CNTNAP5: variants seen among roughly 807,000 people sequenced by gnomAD.
The protein encoded by CNTNAP5 is contactin associated protein family member 5.
A neutral mutation model predicts 150.2 loss-of-function variants in CNTNAP5; 72 were observed. The ratio of observed to expected loss-of-function variants is 0.48; its 90% confidence interval spans 0.40 to 0.58. CNTNAP5 has a LOEUF of 0.58. Among genes scored for constraint, CNTNAP5 ranks in the 20% least tolerant of loss-of-function variants. CNTNAP5 has a pLI of 0.00. For synonymous variants in CNTNAP5, 672 were observed against 619.8 expected (o/e 1.08, Z -1.25); for missense variants, 1,636 against 1,626.2 (o/e 1.01, Z -0.10).
chr2:124,363,728 C>A (rs1450362316), intron 3 of CNTNAP5, among the ~76,000 whole-genome samples: 1 of 152,092 alleles, frequency 6.6e-6, no homozygotes, highest in African/African-American at 2.4e-5. Context: ...ACAAAAGGGG[C>A]AAGAACAAAA....
At chr2:124,531,817 AG>A (rs1440010014) in intron 10 of CNTNAP5, among the ~76,000 whole-genome samples, 1 of 152,172 alleles carries the variant, frequency 6.6e-6, no homozygotes, top group African/African-American at 2.4e-5. Context: ...TCGACCTAAA[AG>A]GAAAAAGCTG....
At position 124,271,792 on chromosome 2, in the gene CNTNAP5, G is replaced by A. The variant is rs139949917; in HGVS notation, c.381+29399G>A. ...TGCATTGGCACGATCTCGGCTCACC[G>A]CAACCTCCACCTCCCAGGTTCAAGT... On this transcript the variant is annotated intron_variant, in intron 3 of 23. Coordinates refer to ENST00000682447, the MANE Select transcript of CNTNAP5 (RefSeq NM_001367498.1). Among the ~76,000 whole-genome samples, 1,368 of 151,950 alleles carry A rather than the reference G, an allele frequency of 9.0e-3. 22 individuals are homozygous for A. Among genetic ancestry groups the A allele is most frequent in the African/African-American group, 0.031 (1,272 of 41,416 alleles).
At chr2:124,233,956 A>G (rs1686685594) in intron 2 of CNTNAP5, among the ~76,000 whole-genome samples, 1 of 152,068 alleles carries the variant, frequency 6.6e-6, no homozygotes, top group African/African-American at 2.4e-5. Context: ...AAATTGCTCC[A>G]AGAATCCAAG....
intron 11 of CNTNAP5, among the ~76,000 whole-genome samples, chr2:124,588,157 T>TCCTTCCTTCCTTCCTTCCTTCC (rs59736295): frequency 1.3e-5 from 1 of 79,242 alleles, no homozygotes; most frequent in Non-Finnish European, 2.4e-5. Flanking sequence ...CTTCCTTCCT[T>TCCTTCCTTCCTTCCTTCCTTCC]TTCCTTCCTT....
chr2:124,816,133 G>A (rs1207769919), intron 19 of CNTNAP5, among the ~76,000 whole-genome samples: 1 of 152,132 alleles, frequency 6.6e-6, no homozygotes, highest in African/African-American at 2.4e-5. Flanking sequence ...TCTTGTATTA[G>A]TTTTCTATTG....
At chr2:124,511,888 C>T (rs975039943) in intron 8 of CNTNAP5, among the ~76,000 whole-genome samples, 5 of 150,364 alleles carry the variant, frequency 3.3e-5, no homozygotes, top group Non-Finnish European at 5.9e-5. Context: ...TCTTCACAAC[C>T]TGTAGAGAAT....
chr2:124,839,806 C>T (rs1682908590), intron 19 of CNTNAP5, among the ~76,000 whole-genome samples: 2 of 152,104 alleles, frequency 1.3e-5, no homozygotes, highest in Admixed American at 1.3e-4. Flanking sequence ...TTTGTCTGAA[C>T]TAGAATGTAC....
At chr2:124,737,063 C>T (rs1466615807) in intron 13 of CNTNAP5, among the ~76,000 whole-genome samples, 1 of 152,018 alleles carries the variant, frequency 6.6e-6, no homozygotes, top group Admixed American at 6.6e-5. Flanking sequence ...GAGGCTGAGG[C>T]AGGTAGATCA....
intron 11 of CNTNAP5, among the ~76,000 whole-genome samples, chr2:124,597,755 A>G (rs973103510): frequency 6.6e-6 from 1 of 151,936 alleles, no homozygotes; most frequent in East Asian, 1.9e-4. Flanking sequence ...ACTTGGTTCC[A>G]TTCTCCGCAT....
At chr2:124,504,244 G>A (rs1247962287) in intron 7 of CNTNAP5, 48 bp from the exon 8 acceptor site, 2 of 1,579,986 alleles carry the variant, frequency 1.3e-6, no homozygotes, top group Non-Finnish European at 1.7e-6. Context: ...CTGTCAGATT[G>A]CGGAATAAAA....
intron 13 of CNTNAP5, among the ~76,000 whole-genome samples, chr2:124,682,521 C>A (rs999230334): frequency 6.6e-6 from 1 of 152,108 alleles, no homozygotes; most frequent in Non-Finnish European, 1.5e-5. Context: ...TGCAAGACTG[C>A]AGGCTTCTGG....
chr2:124,221,587 C>A, intron 1 of CNTNAP5, 118 bp from the exon 2 acceptor site: 1 of 684,212 alleles, frequency 1.5e-6, no homozygotes, highest in South Asian at 1.8e-5. Context: ...AGTACCTGAC[C>A]TTGTTCAGAG....
intron 13 of CNTNAP5, 137 bp downstream of exon 13, chr2:124,648,095 G>A: frequency 1.4e-6 from 1 of 727,034 alleles, no homozygotes. Context: ...CACAACAAGA[G>A]GGGTCTGGTT....
chr2:124,408,018 G>C (rs1253984582), intron 3 of CNTNAP5, among the ~76,000 whole-genome samples: 2 of 152,198 alleles, frequency 1.3e-5, no homozygotes, highest in East Asian at 3.9e-4. Flanking sequence ...GCAGGTCAGT[G>C]GGTGCGCGCA....
At chr2:124,828,936 C>CA (rs1239234036) in intron 19 of CNTNAP5, among the ~76,000 whole-genome samples, 1 of 151,804 alleles carries the variant, frequency 6.6e-6, no homozygotes, top group Non-Finnish European at 1.5e-5. Flanking sequence ...TCAGTAAATG[C>CA]AAAATCACAT....
chr2:124,335,852 A>C (rs1167679631), intron 3 of CNTNAP5, among the ~76,000 whole-genome samples: 2 of 151,994 alleles, frequency 1.3e-5, no homozygotes, highest in African/African-American at 4.8e-5. Context: ...GGGGTGAAAA[A>C]CAAAACAAAA....
chr2:124,646,794 A>T (rs1487256504), intron 12 of CNTNAP5, among the ~76,000 whole-genome samples: 2 of 152,154 alleles, frequency 1.3e-5, no homozygotes, highest in East Asian at 3.9e-4. Flanking sequence ...TTCTTAACTG[A>T]CTATAAAACT....
rs536883767 is a variant in CNTNAP5, at chr2:124,440,093, T to C, written c.733+5406T>C. Among the ~76,000 whole-genome samples, 12 of 152,268 alleles carry C rather than the reference T, an allele frequency of 7.9e-5. No individual in the cohort carries two copies. The East Asian group carries it at 2.1e-3, about 27-fold the overall frequency. On this transcript the variant is annotated intron_variant, in intron 5 of 23. Transcript: ENST00000682447. ...CCTATTCTTTGAGTCCTTAGGTAAA[T>C]CTTGTGGCTTCTTGGAGACTCACCT... is the stretch of plus-strand genomic sequence containing the variant.
intron 19 of CNTNAP5, among the ~76,000 whole-genome samples, chr2:124,802,134 G>A (rs903265335): frequency 6.6e-6 from 1 of 152,100 alleles, no homozygotes; most frequent in Non-Finnish European, 1.5e-5. Flanking sequence ...TGTGCACAAT[G>A]GCTCTAATTT....
Sources: gnomAD v4.1 joint callset for allele counts (sites outside exome capture counted in the v4.1 genomes callset) on GRCh38, gnomAD v4.1.1 for gene constraint, MANE v1.5 for transcripts, NCBI Gene and HGNC (gene_info 2026-07-23, HGNC 2026-07-21) for gene names.